The following ABCC1 variants were observed in gnomAD, a reference collection of about 807,000 sequenced individuals.
ABCC1 encodes ATP binding cassette subfamily C member 1 (ABCC1 blood group), also known as multidrug resistance-associated protein 1.
In ABCC1, 83 loss-of-function variants were observed where a neutral mutation model predicts 172.9. The observed-to-expected ratio is 0.48, with a 90% CI of 0.40 to 0.58. The LOEUF is 0.58. Among genes scored for constraint, ABCC1 ranks in the 20% least tolerant of loss-of-function variants. The pLI, the probability that ABCC1 is intolerant of heterozygous loss-of-function variation, is 0.00. For synonymous variants in ABCC1, 937 were observed against 825.2 expected, an observed-to-expected ratio of 1.14 and a Z score of -2.32; for missense variants, 1,817 against 2,002.7, an observed-to-expected ratio of 0.91 and a Z score of 1.77.
intron 1 of ABCC1, among the ~76,000 whole-genome samples, chr16:15,981,663 G>A (rs982786668): frequency 3.9e-5 from 6 of 152,140 alleles, no homozygotes; most frequent in African/African-American, 1.4e-4. Flanking sequence ...TAGACCTCTA[G>A]GCCTGTGATG....
Position 16,131,829 on chromosome 16 carries a change from G to A in ABCC1, c.3860G>A (p.Trp1287Ter). The A allele has an allele frequency of 6.2e-7, 1 of 1,614,182 alleles. No homozygotes were observed. Among genetic ancestry groups the A allele is most frequent in the Non-Finnish European group, 8.5e-7 (1 of 1,180,032 alleles). ...CAGGAGACAGCTCCGCCCAGCAGCT[G>A]GCCCCAGGTGGGCCGAGTGGAATTC... ...QIQETAPPSSWPQVGRVEFRN... is the reference protein window; with the variant it reads ...QIQETAPPSS Residue 1287 changes from tryptophan to a stop codon, truncating the protein, a stop_gained, in exon 27 of 31, where the codon TGG becomes TAG. Coordinates refer to ENST00000399410, the MANE Select transcript of ABCC1 (RefSeq NM_004996.4). LOFTEE classifies it high-confidence loss of function.
chr16:16,131,589 G>C (rs1223461211), intron 26 of ABCC1, among the ~76,000 whole-genome samples, 200 bp from the exon 27 acceptor site: 1 of 151,874 alleles, frequency 6.6e-6, no homozygotes, highest in Non-Finnish European at 1.5e-5. Context: ...GGGCTGAGAG[G>C]GTGCTCTGTA....
At chr16:16,109,592 G>A (rs187738649) in intron 21 of ABCC1, among the ~76,000 whole-genome samples, 48 of 152,314 alleles carry the variant, frequency 3.2e-4, no homozygotes, top group African/African-American at 8.9e-4. Flanking sequence ...TTAGGTGGGG[G>A]CTGGCCTAAA....
At chr16:16,136,107 T>A (rs2045905831) in intron 28 of ABCC1, among the ~76,000 whole-genome samples, 1 of 152,010 alleles carries the variant, frequency 6.6e-6, no homozygotes, top group Non-Finnish European at 1.5e-5. Context: ...CACTGCAACT[T>A]CCGTCTCCCG....
Position 16,123,569 on chromosome 16 carries a change from G to A in ABCC1, c.3591-1220G>A, listed in dbSNP as rs577173965. On this transcript the variant is annotated intron_variant, in intron 24 of 30. Coordinates refer to ENST00000399410, the MANE Select transcript of ABCC1 (RefSeq NM_004996.4). ...TTGAACCCAAGAGGCAGAGGTTGCA[G>A]TGAGCCAAGACCGCACCATTGCACT... Among the ~76,000 whole-genome samples the A allele has an allele frequency of 5.3e-5, 8 of 152,228 alleles. No individual in the cohort carries two copies. The South Asian group carries it at 1.7e-3, about 32-fold the overall frequency.
At chr16:16,045,726 G>A in intron 8 of ABCC1, 110 bp from the exon 9 acceptor site, 1 of 1,060,416 alleles carries the variant, frequency 9.4e-7, no homozygotes, top group Non-Finnish European at 1.4e-6. Flanking sequence ...TGAAGTGATA[G>A]TGTCTAGCTC....
intron 1 of ABCC1, among the ~76,000 whole-genome samples, chr16:15,971,980 C>T (rs2046380622): frequency 6.6e-6 from 1 of 152,118 alleles, no homozygotes; most frequent in Non-Finnish European, 1.5e-5. Flanking sequence ...GAGACGGAAC[C>T]TCCAGGAGTT....
At chr16:16,125,762 A>G (rs760448990) in intron 25 of ABCC1, 48 bp from the exon 26 acceptor site, 24 of 1,201,340 alleles carry the variant, frequency 2.0e-5, no homozygotes, top group Non-Finnish European at 2.6e-5. Flanking sequence ...AGGAAAGTCA[A>G]GTACGCCCGC....
intron 1 of ABCC1, among the ~76,000 whole-genome samples, chr16:16,004,996 T>C (rs1483404450): frequency 6.7e-6 from 1 of 148,176 alleles, no homozygotes; most frequent in Non-Finnish European, 1.5e-5. Context: ...TATTGGAACA[T>C]GTATATTTTG....
chr16:15,953,142 C>A (rs1371129378), intron 1 of ABCC1, among the ~76,000 whole-genome samples: 1 of 152,036 alleles, frequency 6.6e-6, no homozygotes, highest in African/African-American at 2.4e-5. Context: ...TCAAGACCAG[C>A]CTGACCAACA....
intron 1 of ABCC1, among the ~76,000 whole-genome samples, chr16:15,963,218 C>G (rs908970614): frequency 7.2e-5 from 11 of 152,246 alleles, no homozygotes; most frequent in African/African-American, 2.7e-4. Context: ...CACACTGTTG[C>G]AAGAGGTGGG....
chr16:15,992,965 C>CA, intron 1 of ABCC1, among the ~76,000 whole-genome samples: 1 of 152,234 alleles, frequency 6.6e-6, no homozygotes, highest in Middle Eastern at 3.4e-3. Flanking sequence ...GAGATCTTTG[C>CA]ACAGCCAGCT....
intron 12 of ABCC1, among the ~76,000 whole-genome samples, chr16:16,065,230 G>A (rs1469155489): frequency 2.0e-5 from 3 of 152,092 alleles, no homozygotes; most frequent in Non-Finnish European, 4.4e-5. Flanking sequence ...CTTCTACACT[G>A]AAAAATAGGT....
chr16:16,116,647 C>A (rs1227369354), intron 23 of ABCC1, among the ~76,000 whole-genome samples: 1 of 151,788 alleles, frequency 6.6e-6, no homozygotes, highest in Non-Finnish European at 1.5e-5. Flanking sequence ...ACTGCAACAT[C>A]TGCCTCCCGG....
intron 19 of ABCC1, among the ~76,000 whole-genome samples, chr16:16,098,662 A>T (rs543126385): frequency 1.3e-5 from 2 of 152,190 alleles, no homozygotes; most frequent in African/African-American, 4.8e-5. Context: ...CTTTGGAGAA[A>T]GGGGTTGGTC....
In ABCC1 at chr16:15,994,758, C is replaced by CA. The variant is rs1315264460; in HGVS notation, c.49-13058_49-13057insA. 5.9e-5 allele frequency among the ~76,000 whole-genome samples: 9 copies of CA among 151,798 alleles called. No homozygotes were observed. In the East Asian group the frequency reaches 1.6e-3, roughly 26 times the overall value. ...GCAGATTAATTAGCTTTTTTTCTTTCTTTTTTTCTTTTCTTTTTTTTGCAA... is the reference window on the plus strand; with the variant it reads ...GCAGATTAATTAGCTTTTTTTCTTTCATTTTTTTCTTTTCTTTTTTTTGCAA... On this transcript the variant is annotated intron_variant, in intron 1 of 30. Coordinates refer to ENST00000399410, the MANE Select transcript of ABCC1 (RefSeq NM_004996.4).
At chr16:16,102,836 TC>T in intron 20 of ABCC1, 119 bp downstream of exon 20, 1 of 911,368 alleles carries the variant, frequency 1.1e-6, no homozygotes, top group South Asian at 1.7e-5. Context: ...GCTTTTACCT[TC>T]CCTCCCAAAT....
intron 15 of ABCC1, among the ~76,000 whole-genome samples, chr16:16,078,948 A>AT (rs2050696389): frequency 6.6e-6 from 1 of 152,116 alleles, no homozygotes; most frequent in Admixed American, 6.5e-5. Flanking sequence ...AAGTGCTGGG[A>AT]TTACCAGCAC....
At chr16:16,138,679 G>A (rs894390927) in intron 30 of ABCC1, 121 bp downstream of exon 30, 1 of 694,258 alleles carries the variant, frequency 1.4e-6, no homozygotes, top group South Asian at 4.1e-5. Context: ...CCAGTGGGTG[G>A]ATCCTCTCTT....
Sources: allele counts gnomAD v4.1 joint callset (sites outside exome capture counted in the v4.1 genomes callset), GRCh38; gene constraint gnomAD v4.1.1; transcripts MANE v1.5; gene names NCBI Gene and HGNC (gene_info 2026-07-23, HGNC 2026-07-21).